ITGA9: variants seen among roughly 807,000 people sequenced by gnomAD.
ITGA9 encodes the protein integrin alpha-9.
ITGA9 carries 56 observed loss-of-function variants against 127.8 expected under a neutral mutation model. The ratio of observed to expected loss-of-function variants is 0.44; its 90% CI spans 0.35 to 0.55. The LOEUF is 0.55. Among genes scored for constraint, ITGA9 ranks in the 20% least tolerant of loss-of-function variants. The pLI is 0.00. For missense variants in ITGA9, 1,196 were observed against 1,347.1 expected, an observed-to-expected ratio of 0.89 and a Z score of 1.76; for synonymous variants, 508 against 514.5, an observed-to-expected ratio of 0.99 and a Z score of 0.17.
chr3:37,725,317 C>T (rs1405973491), intron 18 of ITGA9, among the ~76,000 whole-genome samples: 1 of 152,156 alleles, frequency 6.6e-6, no homozygotes, highest in Non-Finnish European at 1.5e-5. Context: ...TCATCAGGGC[C>T]TGAGCAAGTG....
chr3:37,766,160 A>C (rs184717498), intron 23 of ITGA9, among the ~76,000 whole-genome samples: 6 of 152,272 alleles, frequency 3.9e-5, no homozygotes, highest in African/African-American at 7.2e-5. Context: ...GTTCTCATTT[A>C]ACCTGCCAAG....
intron 9 of ITGA9, among the ~76,000 whole-genome samples, 175 bp downstream of exon 9, chr3:37,514,075 A>G (rs1698961045): frequency 6.6e-6 from 1 of 152,198 alleles, no homozygotes; most frequent in Admixed American, 6.5e-5. Context: ...AAAGTTATAT[A>G]CAATGTTACA....
At chr3:37,777,253 C>G (rs1559595516) in intron 23 of ITGA9, 139 bp from the exon 24 acceptor site, 1 of 934,244 alleles carries the variant, frequency 1.1e-6, no homozygotes, top group East Asian at 2.5e-5. Context: ...AGCTTTTCAG[C>G]CATTGTTCTC....
At chr3:37,587,576 C>T (rs1699770927) in intron 15 of ITGA9, among the ~76,000 whole-genome samples, 1 of 152,204 alleles carries the variant, frequency 6.6e-6, no homozygotes, top group Admixed American at 6.5e-5. Flanking sequence ...ACCCATTACC[C>T]ACCCATCCAT....
intron 18 of ITGA9, among the ~76,000 whole-genome samples, chr3:37,729,287 G>A (rs886562037): frequency 6.6e-6 from 1 of 152,062 alleles, no homozygotes; most frequent in African/African-American, 2.4e-5. Flanking sequence ...GTGCTGACAG[G>A]CAGCAGAAGG....
At chr3:37,508,504 A>G (rs1226189792) in intron 7 of ITGA9, 55 bp from the exon 8 acceptor site, 3 of 1,456,108 alleles carry the variant, frequency 2.1e-6, no homozygotes, top group Non-Finnish European at 2.9e-6. Flanking sequence ...GTGCTGATAA[A>G]TATCTTTGAT....
chr3:37,640,023 G>T (rs6778761), intron 16 of ITGA9, among the ~76,000 whole-genome samples: 3 of 151,914 alleles, frequency 2.0e-5, no homozygotes, highest in Admixed American at 6.6e-5. Flanking sequence ...ACTCTTCTCA[G>T]GCTTCATCAG....
At chr3:37,746,583 C>T (rs182859349) in intron 22 of ITGA9, among the ~76,000 whole-genome samples, 14 of 152,350 alleles carry the variant, frequency 9.2e-5, no homozygotes, top group Admixed American at 2.0e-4. Flanking sequence ...TAGTGCAAAT[C>T]AGCATCCTTT....
chr3:37,487,064 A>C (rs1046451101), intron 4 of ITGA9, among the ~76,000 whole-genome samples: 2 of 151,846 alleles, frequency 1.3e-5, no homozygotes, highest in Non-Finnish European at 2.9e-5. Context: ...AATGAAAAGG[A>C]ATTGGGGTTT....
At chr3:37,678,379 G>A (rs1302538117) in intron 17 of ITGA9, among the ~76,000 whole-genome samples, 1 of 152,008 alleles carries the variant, frequency 6.6e-6, no homozygotes, top group East Asian at 1.9e-4. Context: ...GTCATGAAGT[G>A]GGAAAAAATA....
At chr3:37,745,760 T>C (rs928978704) in intron 22 of ITGA9, 1 of 152,248 alleles carries the variant, frequency 6.6e-6, no homozygotes, top group Non-Finnish European at 1.5e-5. Flanking sequence ...CAGTTGTTTC[T>C]CTGAAGGTAA....
chr3:37,540,292 A>G (rs1699252525), intron 14 of ITGA9, among the ~76,000 whole-genome samples: 1 of 152,180 alleles, frequency 6.6e-6, no homozygotes, highest in Admixed American at 6.5e-5. Context: ...GGTTCACCCA[A>G]CTGTGGCCTC....
chr3:37,477,165 A>G (rs1333912796), intron 3 of ITGA9, among the ~76,000 whole-genome samples: 1 of 152,204 alleles, frequency 6.6e-6, no homozygotes, highest in Non-Finnish European at 1.5e-5. Flanking sequence ...TTACTTTTAA[A>G]TTAAAAATGG....
At chr3:37,768,585 G>C (rs997640129) in intron 23 of ITGA9, among the ~76,000 whole-genome samples, 1 of 152,134 alleles carries the variant, frequency 6.6e-6, no homozygotes, top group African/African-American at 2.4e-5. Flanking sequence ...CAGGGGGTGG[G>C]TCATGTTTAC....
intron 27 of ITGA9, among the ~76,000 whole-genome samples, chr3:37,810,056 G>A (rs1018533596): frequency 1.3e-5 from 2 of 152,206 alleles, no homozygotes; most frequent in Admixed American, 6.5e-5. Context: ...TGAAGACAGC[G>A]GTTGGCGGGG....
At chr3:37,613,248 A>G (rs1034826341) in intron 15 of ITGA9, among the ~76,000 whole-genome samples, 15 of 152,104 alleles carry the variant, frequency 9.9e-5, no homozygotes, top group Non-Finnish European at 2.1e-4. Context: ...TTTGCTGAGA[A>G]TGATGGTTTT....
At chr3:37,717,319 C>A (rs1364432739) in intron 18 of ITGA9, among the ~76,000 whole-genome samples, 1 of 152,212 alleles carries the variant, frequency 6.6e-6, no homozygotes. Flanking sequence ...TAAGTAAACC[C>A]TTAGCTACAT....
intron 15 of ITGA9, among the ~76,000 whole-genome samples, chr3:37,551,264 T>G (rs1699375745): frequency 6.6e-6 from 1 of 152,176 alleles, no homozygotes; most frequent in African/African-American, 2.4e-5. Flanking sequence ...CGTGCACATT[T>G]GGGATTCTGT....
At chr3:37,630,899 G>A (rs985809204) in intron 16 of ITGA9, among the ~76,000 whole-genome samples, 36 of 152,170 alleles carry the variant, frequency 2.4e-4, no homozygotes, top group Non-Finnish European at 4.4e-4. Context: ...TTACTCTGAG[G>A]TGTGGAGAAG....
Sources: gnomAD v4.1 joint callset for allele counts (sites outside exome capture counted in the v4.1 genomes callset) on GRCh38, gnomAD v4.1.1 for gene constraint, MANE v1.5 for transcripts, NCBI Gene and HGNC (gene_info 2026-07-23, HGNC 2026-07-21) for gene names.